The following SOX5 variants were observed in gnomAD, a reference collection of about 807,000 sequenced individuals.
SOX5 encodes transcription factor SOX-5.
SOX5 carries 9 observed loss-of-function variants against 92.0 expected under a neutral mutation model. The observed-to-expected ratio is 0.10, with a 90% CI of 0.06 to 0.17. SOX5 has a LOEUF of 0.17. Among genes scored for constraint, SOX5 ranks in the 10% least tolerant of loss-of-function variants. The pLI, the probability that SOX5 is intolerant of heterozygous loss-of-function variation, is 1.00. For synonymous variants in SOX5, 344 were observed against 336.3 expected, an observed-to-expected ratio of 1.02 and a Z score of -0.25; for missense variants, 642 against 944.5, an observed-to-expected ratio of 0.68 and a Z score of 4.20.
In SOX5 at chr12:23,604,397, G is replaced by A. The variant is rs1309580798; in HGVS notation, c.1154C>T (p.Pro385Leu). ...HTDKSTNSPP[P>L]KSKDEVAQPL... is the part of the protein sequence containing the mutation. ...TCTTCAAAAGGGTACCTTGCTTTTGGGTGGTGGGCTGTTTGTGCTCTTGTC... is the reference window on the plus strand; with the variant it reads ...TCTTCAAAAGGGTACCTTGCTTTTGAGTGGTGGGCTGTTTGTGCTCTTGTC... The change falls in exon 9 of 15, where the codon CCC becomes CTC. Residue 385 changes from proline (P) to leucine (L), a missense_variant. Transcript: ENST00000451604. 1.2e-6 allele frequency: 2 copies of A among 1,613,422 alleles called. No individual in the cohort carries two copies. Among genetic ancestry groups the A allele is most frequent in the Non-Finnish European group, 1.7e-6 (2 of 1,179,678 alleles).
At chr12:24,127,470 C>A (rs1462472377) in intron 4 of SOX5, among the ~76,000 whole-genome samples, 1 of 151,692 alleles carries the variant, frequency 6.6e-6, no homozygotes, top group East Asian at 1.9e-4. Flanking sequence ...CTTATTAATG[C>A]TATCAGGTCA....
At chr12:24,248,529 C>T (rs747419053) in intron 3 of SOX5, among the ~76,000 whole-genome samples, 9 of 152,142 alleles carry the variant, frequency 5.9e-5, no homozygotes, top group East Asian at 5.8e-4. Context: ...GGATTACAGG[C>T]GAGTGCTACC....
In SOX5 at chr12:24,296,810, A is replaced by G. The variant is rs1595311172; in HGVS notation, c.-173-19498T>C. ...AAGCAAATCTGTAATCGGCAGATAC[A>G]TTGTTCTTAAAAAAAAAAAAAAAAA... On this transcript the variant is annotated intron_variant, in intron 2 of 4. Coordinates refer to the SOX5 transcript ENST00000446891. Among the ~76,000 whole-genome samples, 2 of 101,444 alleles carry G rather than the reference A, an allele frequency of 2.0e-5. 1 individual carries two copies. The highest frequency in any genetic ancestry group is 7.3e-5 in the African/African-American group (2 of 27,548). The allele number at this position is 101,444 out of a possible 152,430, so 66.6% of individuals were successfully genotyped here. A position where few individuals can be genotyped will look rare whatever the true frequency, so the allele number is the denominator to read the frequency against.
intron 1 of SOX5, among the ~76,000 whole-genome samples, chr12:24,442,509 C>G (rs1940791168): frequency 6.6e-6 from 1 of 152,034 alleles, no homozygotes; most frequent in Non-Finnish European, 1.5e-5. Context: ...TGTCATAGGG[C>G]CAGGGAGCAG....
At chr12:23,591,817 T>C (rs922626463) in intron 9 of SOX5, among the ~76,000 whole-genome samples, 2 of 152,178 alleles carry the variant, frequency 1.3e-5, no homozygotes, top group African/African-American at 4.8e-5. Flanking sequence ...TCACAATGCT[T>C]CTTAAAACAT....
chr12:24,094,336 G>A (rs1345506453), intron 4 of SOX5, among the ~76,000 whole-genome samples: 1 of 151,978 alleles, frequency 6.6e-6, no homozygotes, highest in Non-Finnish European at 1.5e-5. Flanking sequence ...TCCATAAAAT[G>A]TCTGTTTATT....
chr12:23,797,381 G>A (rs1168501782), intron 3 of SOX5, among the ~76,000 whole-genome samples: 3 of 151,896 alleles, frequency 2.0e-5, no homozygotes, highest in African/African-American at 4.8e-5. Context: ...TATGTGGGTC[G>A]GTTGAACAAT....
intron 4 of SOX5, among the ~76,000 whole-genome samples, chr12:24,145,247 T>A (rs1032676383): frequency 6.6e-5 from 10 of 151,390 alleles, no homozygotes; most frequent in Admixed American, 1.3e-4. Context: ...TATAAAAAAA[T>A]TAAATTAATT....
At chr12:24,070,775 C>G (rs1941647873) in intron 4 of SOX5, among the ~76,000 whole-genome samples, 1 of 152,104 alleles carries the variant, frequency 6.6e-6, no homozygotes, top group Non-Finnish European at 1.5e-5. Flanking sequence ...ACAGCTCAAA[C>G]AATTTTTACC....
rs1341247256 is a variant in SOX5 at position 23,671,810 on chromosome 12, A to G, written c.811-6246T>C. Among the ~76,000 whole-genome samples, 4 of 152,192 alleles carry G rather than the reference A, an allele frequency of 2.6e-5. No individual in the cohort carries two copies. The East Asian group carries it at 7.7e-4, about 29-fold the overall frequency. ...CTGCCTCTAACTTCCCAACAGTCAC[A>G]TTGGAGTTGTATCACCTCTAATTTC... On this transcript the variant is annotated intron_variant, in intron 6 of 14. Coordinates refer to ENST00000451604, the MANE Select transcript of SOX5 (RefSeq NM_006940.6).
At chr12:24,167,298 A>G (rs879501857) in intron 4 of SOX5, among the ~76,000 whole-genome samples, 2 of 152,240 alleles carry the variant, frequency 1.3e-5, no homozygotes, top group African/African-American at 2.4e-5. Flanking sequence ...TACTAAATAT[A>G]TTAAAAGCTC....
intron 2 of SOX5, among the ~76,000 whole-genome samples, chr12:23,875,868 T>C (rs1486319870): frequency 1.3e-5 from 2 of 152,218 alleles, no homozygotes; most frequent in Non-Finnish European, 2.9e-5. Context: ...AAAGACTTTC[T>C]GTGAAAGGTA....
intron 4 of SOX5, among the ~76,000 whole-genome samples, chr12:23,744,632 T>A (rs1175382498): frequency 6.6e-6 from 1 of 152,178 alleles, no homozygotes; most frequent in African/African-American, 2.4e-5. Flanking sequence ...TATGTTCATA[T>A]TAGTAAATAA....
chr12:23,928,847 A>T (rs1318949450), intron 1 of SOX5, among the ~76,000 whole-genome samples: 1 of 151,890 alleles, frequency 6.6e-6, no homozygotes, highest in Non-Finnish European at 1.5e-5. Flanking sequence ...TTAAAGATCA[A>T]GAACCTAAAA....
chr12:23,766,634 ATTC>A (rs1031241779), intron 3 of SOX5, among the ~76,000 whole-genome samples: 3 of 152,148 alleles, frequency 2.0e-5, no homozygotes, highest in Non-Finnish European at 2.9e-5. Flanking sequence ...AATCTACTGA[ATTC>A]TTCTTAGAAA....
intron 4 of SOX5, among the ~76,000 whole-genome samples, chr12:24,050,014 A>T (rs777962658): frequency 6.0e-5 from 9 of 149,100 alleles, no homozygotes; most frequent in Admixed American, 2.1e-4. Flanking sequence ...GCCAGATAGT[A>T]AGCAGGTATG....
At chr12:24,083,660 G>T (rs1028944092) in intron 4 of SOX5, among the ~76,000 whole-genome samples, 1 of 152,020 alleles carries the variant, frequency 6.6e-6, no homozygotes, top group Non-Finnish European at 1.5e-5. Flanking sequence ...GAAAAGCATC[G>T]TGCTAAATTT....
rs1234789721 is a variant in SOX5 at position 24,062,857 on chromosome 12, A to T, written c.-2+150486T>A. Among the ~76,000 whole-genome samples the T allele has an allele frequency of 2.0e-5, 3 of 152,336 alleles. No homozygotes were observed. In the East Asian group the frequency reaches 5.8e-4, roughly 29 times the overall value. ...TTTGTGTCTCATATTCTTCGGCTAC[A>T]GACTGTGGTTAACACTGCTACTATT... On this transcript the variant is annotated intron_variant, in intron 4 of 4. Coordinates refer to the SOX5 transcript ENST00000446891.
At chr12:24,480,805 T>A (rs1174524538) in intron 1 of SOX5, among the ~76,000 whole-genome samples, 1 of 152,054 alleles carries the variant, frequency 6.6e-6, no homozygotes, top group East Asian at 1.9e-4. Flanking sequence ...ACTCTCTCGG[T>A]GGGAATGTAA....
Sources: allele counts gnomAD v4.1 joint callset (sites outside exome capture counted in the v4.1 genomes callset), GRCh38; gene constraint gnomAD v4.1.1; transcripts MANE v1.5; gene names NCBI Gene and HGNC (gene_info 2026-07-23, HGNC 2026-07-21).